The following CHN2 variants were observed in gnomAD, a reference collection of about 807,000 sequenced individuals.
The protein encoded by CHN2 is beta-chimaerin.
Under a neutral mutation model 56.3 loss-of-function variants are expected in CHN2, and 35 were observed. That is an observed-to-expected ratio of 0.62 (90% CI 0.47 to 0.82). The LOEUF (loss-of-function observed/expected upper bound fraction) is 0.82. Ranked by LOEUF, CHN2 falls within the 40% of genes least tolerant of loss-of-function variation. The pLI is 0.00. For missense variants in CHN2, 491 were observed against 580.5 expected (o/e 0.85, Z 1.58); for synonymous variants, 210 against 212.8 (o/e 0.99, Z 0.12).
chr7:29,232,756 T>C (rs1456427589), intron 1 of CHN2, among the ~76,000 whole-genome samples: 1 of 152,236 alleles, frequency 6.6e-6, no homozygotes, highest in African/African-American at 2.4e-5. Context: ...TGAATGCTCA[T>C]TGAATGCAGG....
chr7:29,496,176 T>C (rs866146051), intron 8 of CHN2, 140 bp downstream of exon 8: 1 of 532,350 alleles, frequency 1.9e-6, no homozygotes, highest in Middle Eastern at 3.8e-4. Flanking sequence ...CTGTCTGTGC[T>C]TAATGGGGAA....
rs1051092821 is a variant in CHN2 at position 29,490,013 on chromosome 7, A to C, written c.655-5939A>C. 4.6e-5 allele frequency among the ~76,000 whole-genome samples: 7 copies of C among 152,206 alleles called. No homozygotes were observed. The South Asian group carries it at 1.5e-3, about 32-fold the overall frequency. ...CATGTAGCCACTCACTTAATTTCTA[A>C]ATATTGCATTTTCATTTTTACCCCA... On this transcript the variant is annotated intron_variant, in intron 7 of 12. Transcript: ENST00000222792.
At chr7:29,367,896 A>G (rs1161375760) in intron 2 of CHN2, 36 bp from the exon 3 acceptor site, 2 of 1,569,646 alleles carry the variant, frequency 1.3e-6, no homozygotes, top group African/African-American at 1.4e-5. Flanking sequence ...TTCTAATTCT[A>G]ATTATTTCTC....
Position 29,512,687 on chromosome 7 carries a change from A to G in CHN2, c.1359A>G (p.Gln453=), listed in dbSNP as rs867778834. ...TLTTLHDMRY[Q]KLIVQILIEN... ...CCACCCTGCATGATATGCGGTACCA[A>G]AAGCTGATTGTGCAGATTTTAATAG... Residue 453 remains glutamine, a synonymous_variant, in exon 13 of 13, where the codon CAA becomes CAG. Transcript: ENST00000222792. The G allele has an allele frequency of 6.2e-7, 1 of 1,614,228 alleles. No homozygotes were observed. Among genetic ancestry groups the G allele is most frequent in the Non-Finnish European group, 8.5e-7 (1 of 1,180,036 alleles).
rs900692852 is a variant in CHN2, at chr7:29,479,793, C to T, written c.577-486C>T. 9.0e-6 allele frequency: 11 copies of T among 1,216,562 alleles called. No individual in the cohort carries two copies. The Admixed American group carries it at 1.8e-4, about 20-fold the overall frequency. The allele number at this position is 1,216,562 out of a possible 1,614,324, so 75.4% of individuals were successfully genotyped here. Reference sequence around the variant, plus strand: ...GCTGCGGCAGGAGAAAGCAGGCTGCCGGCCCCTGCCTCCCTGAATCCTCAG... The same window carrying T: ...GCTGCGGCAGGAGAAAGCAGGCTGCTGGCCCCTGCCTCCCTGAATCCTCAG... On this transcript the variant is annotated intron_variant, in intron 6 of 12. Transcript: ENST00000222792.
intron 8 of CHN2, among the ~76,000 whole-genome samples, chr7:29,496,994 T>C (rs1188600233): frequency 2.6e-5 from 4 of 152,194 alleles, no homozygotes; most frequent in African/African-American, 9.7e-5. Context: ...ATTAAGGTGA[T>C]CTTTCCCATT....
At chr7:29,322,824 TG>T (rs1795467896) in intron 1 of CHN2, among the ~76,000 whole-genome samples, 1 of 152,146 alleles carries the variant, frequency 6.6e-6, no homozygotes, top group African/African-American at 2.4e-5. Context: ...CTTCTTGTAA[TG>T]GGGAACGACC....
At chr7:29,204,424 G>T (rs1184185968) in intron 1 of CHN2, among the ~76,000 whole-genome samples, 4 of 152,020 alleles carry the variant, frequency 2.6e-5, no homozygotes, top group African/African-American at 9.7e-5. Context: ...GATTTAAGTT[G>T]CTCATTCAAA....
intron 6 of CHN2, among the ~76,000 whole-genome samples, chr7:29,479,186 G>C (rs1433488623): frequency 6.6e-6 from 1 of 152,198 alleles, no homozygotes; most frequent in Non-Finnish European, 1.5e-5. Flanking sequence ...TTAGGGTCAT[G>C]GGAGACCATC....
intron 2 of CHN2, among the ~76,000 whole-genome samples, chr7:29,172,711 G>A (rs558573017): frequency 2.0e-5 from 3 of 152,086 alleles, no homozygotes; most frequent in African/African-American, 4.8e-5. Flanking sequence ...TCTGACCAAC[G>A]ATTTCAAGAA....
At chr7:29,266,326 A>G (rs1790143009) in intron 1 of CHN2, among the ~76,000 whole-genome samples, 1 of 152,190 alleles carries the variant, frequency 6.6e-6, no homozygotes, top group South Asian at 2.1e-4. Context: ...GGTCTAAGGA[A>G]TGGGTGATCC....
At chr7:29,413,606 A>C (rs921510633) in intron 6 of CHN2, among the ~76,000 whole-genome samples, 1 of 152,154 alleles carries the variant, frequency 6.6e-6, no homozygotes, top group Admixed American at 6.5e-5. Context: ...CCTTAACTTC[A>C]TTGTTCCTCC....
chr7:29,163,380 T>TA (rs1276752512), intron 2 of CHN2, among the ~76,000 whole-genome samples: 1 of 152,154 alleles, frequency 6.6e-6, no homozygotes, highest in Non-Finnish European at 1.5e-5. Flanking sequence ...TTTTCAACCT[T>TA]AAAAATGTTT....
intron 1 of CHN2, among the ~76,000 whole-genome samples, chr7:29,342,352 A>C (rs988290964): frequency 2.6e-5 from 4 of 152,148 alleles, no homozygotes; most frequent in African/African-American, 9.7e-5. Context: ...ATTCCTTTCC[A>C]CTTGTAGTGG....
chr7:29,404,452 T>G (rs10280596), intron 6 of CHN2, among the ~76,000 whole-genome samples: 8,009 of 152,260 alleles, frequency 0.053, 266 homozygotes, highest in South Asian at 0.094. Context: ...TATACCAGTT[T>G]ATCCGTTTCA....
At chr7:29,320,057 C>T (rs900767440) in intron 1 of CHN2, among the ~76,000 whole-genome samples, 4 of 152,186 alleles carry the variant, frequency 2.6e-5, no homozygotes, top group African/African-American at 9.6e-5. Context: ...TACATCAGCT[C>T]ACTGAATCCT....
chr7:29,212,896 A>AACAATTCAT, intron 1 of CHN2: 2 of 1,610,712 alleles, frequency 1.2e-6, no homozygotes, highest in Non-Finnish European at 1.7e-6. Flanking sequence ...GAGCAACCAG[A>AACAATTCAT]CCTGGAACAA....
chr7:29,463,487 A>C (rs550213495), intron 6 of CHN2, among the ~76,000 whole-genome samples: 2 of 152,266 alleles, frequency 1.3e-5, no homozygotes, highest in East Asian at 3.9e-4. Context: ...CTTTTACCAG[A>C]GCGCAACAGT....
chr7:29,422,199 G>A (rs1804414269), intron 6 of CHN2, among the ~76,000 whole-genome samples: 1 of 152,080 alleles, frequency 6.6e-6, no homozygotes, highest in African/African-American at 2.4e-5. Flanking sequence ...GATGACTTTA[G>A]CACTTTTTAT....
Sources: allele counts gnomAD v4.1 joint callset (sites outside exome capture counted in the v4.1 genomes callset), GRCh38; gene constraint gnomAD v4.1.1; transcripts MANE v1.5; gene names NCBI Gene and HGNC (gene_info 2026-07-23, HGNC 2026-07-21).